KSR2: variants seen among roughly 807,000 people sequenced by gnomAD.
KSR2 encodes kinase suppressor of ras 2.
KSR2 carries 25 observed loss-of-function variants against 107.8 expected under a neutral mutation model. The ratio of observed to expected loss-of-function variants is 0.23; its 90% CI spans 0.17 to 0.32. The LOEUF is 0.32. Ranked by LOEUF, KSR2 falls within the 10% of genes least tolerant of loss-of-function variation. The pLI, the probability that KSR2 is intolerant of heterozygous loss-of-function variation, is 1.00. For synonymous variants in KSR2, 480 were observed against 507.0 expected, an observed-to-expected ratio of 0.95 and a Z score of 0.71; for missense variants, 887 against 1,268.9, an observed-to-expected ratio of 0.70 and a Z score of 4.57.
chr12:117,487,115 C>G (rs2137146493), intron 14 of KSR2, among the ~76,000 whole-genome samples: 1 of 152,312 alleles, frequency 6.6e-6, no homozygotes, highest in South Asian at 2.1e-4. Context: ...GTAGGCACCT[C>G]TCTATGCCTA....
chr12:117,485,688 G>A lies in KSR2; in HGVS notation c.2223C>T (p.Leu741=), dbSNP rs369289075. ...SPPHLAIITS[L]CKGRTLYSVV... Reference sequence around the variant, plus strand: ...CGGAATAGAGCGTCCGTCCCTTACAGAGGCTGAAAAGCAAAAGGACAAGAT... The same window carrying A: ...CGGAATAGAGCGTCCGTCCCTTACAAAGGCTGAAAAGCAAAAGGACAAGAT... Residue 741 remains leucine, a synonymous_variant, in exon 15 of 20, where the codon CTC becomes CTT. Coordinates refer to ENST00000339824, the MANE Select transcript of KSR2 (RefSeq NM_173598.6). 1.2e-6 allele frequency: 2 copies of A among 1,611,812 alleles called. No homozygotes were observed. Among genetic ancestry groups the A allele is most frequent in the Non-Finnish European group, 8.5e-7 (1 of 1,178,128 alleles).
At chr12:117,719,471 T>C (rs1887124337) in intron 4 of KSR2, among the ~76,000 whole-genome samples, 1 of 152,208 alleles carries the variant, frequency 6.6e-6, no homozygotes, top group African/African-American at 2.4e-5. Context: ...GCTGGGATTA[T>C]AGGTGTAAGC....
chr12:117,895,869 G>C (rs1017921032), intron 1 of KSR2, among the ~76,000 whole-genome samples: 2 of 152,200 alleles, frequency 1.3e-5, no homozygotes, highest in Non-Finnish European at 2.9e-5. Context: ...GACCAGCCTG[G>C]CCAACATGGT....
chr12:117,511,585 T>C (rs1874026779), intron 14 of KSR2, among the ~76,000 whole-genome samples: 1 of 152,206 alleles, frequency 6.6e-6, no homozygotes, highest in African/African-American at 2.4e-5. Context: ...AGCTTTCTCA[T>C]CTGTAAAACA....
chr12:117,703,941 C>A (rs1886422289), intron 4 of KSR2, among the ~76,000 whole-genome samples: 2 of 152,306 alleles, frequency 1.3e-5, no homozygotes, highest in African/African-American at 4.8e-5. Context: ...GGCAAAAGCA[C>A]ATACCCACAA....
intron 4 of KSR2, among the ~76,000 whole-genome samples, chr12:117,699,728 T>C (rs905917064): frequency 1.3e-5 from 2 of 152,180 alleles, no homozygotes; most frequent in African/African-American, 4.8e-5. Context: ...TGTGAAGGCC[T>C]AGGACATGAC....
At chr12:117,658,968 A>G (rs762430626) in intron 5 of KSR2, among the ~76,000 whole-genome samples, 7 of 152,138 alleles carry the variant, frequency 4.6e-5, no homozygotes, top group South Asian at 4.1e-4. Context: ...CATCCACAGA[A>G]TGGGGATGCA....
chr12:117,786,242 T>C (rs146293132), intron 3 of KSR2, among the ~76,000 whole-genome samples: 10 of 152,312 alleles, frequency 6.6e-5, no homozygotes, highest in African/African-American at 2.4e-4. Context: ...TTCAATCGTA[T>C]TTTCCACTTT....
At position 117,907,895 on chromosome 12, in the gene KSR2, G is replaced by T. The variant is rs577100316; in HGVS notation, c.181-47464C>A. Among the ~76,000 whole-genome samples the T allele has an allele frequency of 6.6e-6, 1 of 151,718 alleles. No individual in the cohort carries two copies. Among genetic ancestry groups the T allele is most frequent in the Non-Finnish European group, 1.5e-5 (1 of 67,990 alleles). ...AAAAGGTATTCAAAATAATCACACT[G>T]CTTGTCTTATAGAGAGAAAAAAATC... On this transcript the variant is annotated intron_variant, in intron 1 of 19. Transcript: ENST00000339824. This position sits in a 1 kb window ranked among gnomAD's most constrained non-coding sequence, Gnocchi z 4.3.
At chr12:117,825,943 G>A (rs1301957112) in intron 3 of KSR2, among the ~76,000 whole-genome samples, 1 of 114,988 alleles carries the variant, frequency 8.7e-6, no homozygotes, top group African/African-American at 3.2e-5. Context: ...GGGTAGACGG[G>A]TGAACAGGTG....
At chr12:117,778,400 C>T (rs1019331964) in intron 3 of KSR2, among the ~76,000 whole-genome samples, 3 of 152,166 alleles carry the variant, frequency 2.0e-5, no homozygotes, top group African/African-American at 7.2e-5. Flanking sequence ...CGAAACAATC[C>T]TTGAACAGTC....
chr12:117,968,049 T>A, intron 1 of KSR2, 27 bp downstream of exon 1: 1 of 1,207,984 alleles, frequency 8.3e-7, no homozygotes, highest in Admixed American at 2.3e-5. Flanking sequence ...TTTTTTTTTT[T>A]TTTTTTTTCC....
intron 1 of KSR2, among the ~76,000 whole-genome samples, chr12:117,928,626 A>T (rs978333410): frequency 2.6e-5 from 4 of 152,204 alleles, no homozygotes; most frequent in African/African-American, 9.6e-5. Context: ...TGTCATGAAC[A>T]CAAGTGAACA....
chr12:117,872,690 A>G (rs143390901), intron 1 of KSR2, among the ~76,000 whole-genome samples: 4 of 152,356 alleles, frequency 2.6e-5, no homozygotes, highest in African/African-American at 7.2e-5. Flanking sequence ...TCAGGCAAGC[A>G]TGAGAAACAT....
chr12:117,868,967 G>C (rs1239321858), intron 1 of KSR2, among the ~76,000 whole-genome samples: 1 of 151,880 alleles, frequency 6.6e-6, no homozygotes, highest in Non-Finnish European at 1.5e-5. Flanking sequence ...TGACCAGGTT[G>C]GTCTCGAACT....
chr12:117,964,833 T>C (rs926409433), intron 1 of KSR2, among the ~76,000 whole-genome samples: 3 of 152,254 alleles, frequency 2.0e-5, no homozygotes, highest in African/African-American at 4.8e-5. Context: ...TTTACAACTA[T>C]ATCAGTCTGA....
intron 3 of KSR2, among the ~76,000 whole-genome samples, chr12:117,773,320 G>A (rs1020323596): frequency 6.6e-6 from 1 of 152,174 alleles, no homozygotes; most frequent in Non-Finnish European, 1.5e-5. Flanking sequence ...TGAAAGGTCT[G>A]AAGATTGATT....
Position 117,730,698 on chromosome 12 carries a change from C to A in KSR2, c.986+30313G>T, listed in dbSNP as rs373661607. 8.5e-5 allele frequency among the ~76,000 whole-genome samples: 13 copies of A among 152,324 alleles called. No individual in the cohort carries two copies. In the South Asian group the frequency reaches 1.7e-3, roughly 19 times the overall value. ...TGGTTTTTGTATTTTTTGGTGGAGACGGGGTTTCGCTGTGTTGGCCAGGCT... is the reference window on the plus strand; with the variant it reads ...TGGTTTTTGTATTTTTTGGTGGAGAAGGGGTTTCGCTGTGTTGGCCAGGCT... On this transcript the variant is annotated intron_variant, in intron 4 of 19. Coordinates refer to ENST00000339824, the MANE Select transcript of KSR2 (RefSeq NM_173598.6).
intron 3 of KSR2, among the ~76,000 whole-genome samples, chr12:117,853,687 G>A (rs980029412): frequency 1.3e-5 from 2 of 152,006 alleles, no homozygotes; most frequent in African/African-American, 2.4e-5. Flanking sequence ...GCTTCTCACT[G>A]TGGGTAAAGA....
Sources: gnomAD v4.1 joint callset for allele counts (sites outside exome capture counted in the v4.1 genomes callset) on GRCh38, gnomAD v4.1.1 for gene constraint, Gnocchi (gnomAD v3.1) non-coding constraint, MANE v1.5 for transcripts, NCBI Gene and HGNC (gene_info 2026-07-23, HGNC 2026-07-21) for gene names.